NWD1: variants seen among roughly 807,000 people sequenced by gnomAD.
The protein encoded by NWD1 is NACHT domain- and WD repeat-containing protein 1.
NWD1 carries 129 observed loss-of-function variants against 135.1 expected under a neutral mutation model. The ratio of observed to expected loss-of-function variants is 0.96; its 90% confidence interval spans 0.83 to 1.11. The LOEUF (loss-of-function observed/expected upper bound fraction) is 1.11. Among genes scored for constraint, NWD1 ranks in the 50% least tolerant of loss-of-function variants. The pLI, the probability that NWD1 is intolerant of heterozygous loss-of-function variation, is 0.00. For missense variants in NWD1, 1,740 were observed against 1,851.3 expected, an observed-to-expected ratio of 0.94 and a Z score of 1.10; for synonymous variants, 773 against 786.0, an observed-to-expected ratio of 0.98 and a Z score of 0.28.
rs115103736 is a variant in NWD1, at chr19:16,779,468, G to A, written c.2731+3G>A. 113 of 1,612,498 alleles carry A rather than the reference G, an allele frequency of 7.0e-5. No homozygotes were observed. The African/African-American group carries it at 1.3e-3, about 19-fold the overall frequency. On this transcript the variant is annotated splice_donor_region_variant and intron_variant, in intron 12 of 18. Transcript: ENST00000524140. ...CCACATGCTAACTGGACACACAGGT[G>A]AGACTTGGGAAGTGGGCTTTGTGGT...
At chr19:16,736,891 T>G (rs1412934383) in intron 4 of NWD1, 141 bp downstream of exon 4, 1 of 635,154 alleles carries the variant, frequency 1.6e-6, no homozygotes, top group African/African-American at 1.8e-5. Context: ...GTGGCAGACA[T>G]TACTAATCAA....
Position 16,783,901 on chromosome 19 carries a change from C to G in NWD1, c.2731+4436C>G, listed in dbSNP as rs1969948964. 2.0e-5 allele frequency among the ~76,000 whole-genome samples: 3 copies of G among 151,936 alleles called. No homozygotes were observed. The South Asian group carries it at 6.2e-4, about 31-fold the overall frequency. On this transcript the variant is annotated intron_variant, in intron 12 of 18. Coordinates refer to ENST00000524140, the MANE Select transcript of NWD1 (RefSeq NM_001007525.5). ...ATGCCATATTAGGTATTGTAAGTAA[C>G]CTAGAGATGATTTAAAATATACAGG...
At chr19:16,793,079 AAAG>A (rs1435192349) in intron 14 of NWD1, among the ~76,000 whole-genome samples, 20 of 151,866 alleles carry the variant, frequency 1.3e-4, no homozygotes, top group Admixed American at 2.0e-4. Context: ...AAAGAAAAGA[AAAG>A]AAGAAGAAGA....
chr19:16,780,792 G>A (rs1164876776), intron 12 of NWD1, among the ~76,000 whole-genome samples: 1 of 151,942 alleles, frequency 6.6e-6, no homozygotes, highest in African/African-American at 2.4e-5. Flanking sequence ...TGAGTAGCTG[G>A]GACTGCAGGC....
chr19:16,745,109 C>T (rs1433022323), intron 5 of NWD1: 1 of 463,860 alleles, frequency 2.2e-6, no homozygotes, highest in East Asian at 6.7e-5. Context: ...TGGCTGAAGG[C>T]AAAGGAGAAG....
intron 17 of NWD1, among the ~76,000 whole-genome samples, chr19:16,807,255 A>C (rs1428104484): frequency 6.6e-5 from 10 of 151,600 alleles, no homozygotes; most frequent in Admixed American, 6.6e-4. Context: ...GCACTTTGGG[A>C]GGCCAAGGTG....
rs1468118610 is a variant in NWD1 at position 16,807,842 on chromosome 19, C to T, written c.3993C>T (p.Asp1331=). ...TGGTGCTGGACATCACCTCCGGGGACCCCTGCCCGGTCATCGATGGGCCAA... is the reference window on the plus strand; with the variant it reads ...TGGTGCTGGACATCACCTCCGGGGATCCCTGCCCGGTCATCGATGGGCCAA... ...IVLVLDITSG[D]PCPVIDGPRY... is the part of the protein sequence containing the mutation. The change falls in exon 18 of 19, where the codon GAC becomes GAT. Residue 1331 remains aspartate (D), a synonymous_variant. Transcript: ENST00000524140. 4 of 1,614,062 alleles carry T rather than the reference C, an allele frequency of 2.5e-6. No individual in the cohort carries two copies. The highest frequency in any genetic ancestry group is 4.5e-5 in the East Asian group (2 of 44,892).
chr19:16,752,796 A>G (rs1466579513), intron 6 of NWD1, among the ~76,000 whole-genome samples: 1 of 152,108 alleles, frequency 6.6e-6, no homozygotes, highest in Non-Finnish European at 1.5e-5. Flanking sequence ...CAGGAGTTCA[A>G]GACCAGCCTG....
In NWD1 at chr19:16,749,135, G is replaced by A. The variant is rs1157239170; in HGVS notation, c.497-4G>A. The A allele has an allele frequency of 3.2e-6, 5 of 1,581,922 alleles. No individual in the cohort carries two copies. The highest frequency in any genetic ancestry group is 1.8e-5 in the Admixed American group (1 of 55,966). ...CTTCCTTCCCACCTTCCCCACTTTG[G>A]CAGTCATTGAGTGGGAGATAGAGCG... On this transcript the variant is annotated splice_region_variant and splice_polypyrimidine_tract_variant and intron_variant, in intron 5 of 18. Coordinates refer to ENST00000524140, the MANE Select transcript of NWD1 (RefSeq NM_001007525.5).
chr19:16,752,560 G>A (rs1968621987), intron 6 of NWD1, among the ~76,000 whole-genome samples: 2 of 150,204 alleles, frequency 1.3e-5, no homozygotes, highest in South Asian at 4.2e-4. Flanking sequence ...AGGATCACTT[G>A]AGCACAGGAG....
intron 5 of NWD1, among the ~76,000 whole-genome samples, chr19:16,747,363 T>TTATA (rs1455241967): frequency 1.3e-5 from 2 of 148,970 alleles, no homozygotes; most frequent in East Asian, 3.9e-4. Context: ...ATTTATTTAT[T>TTATA]TATTTATTTA....
intron 17 of NWD1, among the ~76,000 whole-genome samples, chr19:16,804,184 C>T (rs1163473850): frequency 1.3e-5 from 2 of 152,114 alleles, no homozygotes; most frequent in Non-Finnish European, 2.9e-5. Context: ...GCTAAAGTCC[C>T]TCTCAGCATC....
chr19:16,763,972 AC>A, intron 9 of NWD1, 27 bp downstream of exon 9: 2 of 1,400,244 alleles, frequency 1.4e-6, no homozygotes, highest in Non-Finnish European at 2.0e-6. Flanking sequence ...ATCTCAGAGG[AC>A]CGAGCCTGGT....
intron 11 of NWD1, among the ~76,000 whole-genome samples, chr19:16,778,218 T>C (rs1969724137): frequency 6.6e-6 from 1 of 152,072 alleles, no homozygotes; most frequent in Non-Finnish European, 1.5e-5. Flanking sequence ...CTCCAGGACA[T>C]TCAGAAAGTT....
intron 1 of NWD1, among the ~76,000 whole-genome samples, chr19:16,723,995 C>T (rs1471984684): frequency 6.6e-6 from 1 of 152,172 alleles, no homozygotes; most frequent in Non-Finnish European, 1.5e-5. Context: ...CTCGCCTGGG[C>T]TATGACACCA....
chr19:16,742,655 C>G (rs1968132001), intron 4 of NWD1, among the ~76,000 whole-genome samples: 1 of 151,900 alleles, frequency 6.6e-6, no homozygotes, highest in South Asian at 2.1e-4. Flanking sequence ...TAATTTAAAT[C>G]TTAATTATCG....
chr19:16,732,560 C>T (rs964053688), intron 3 of NWD1, among the ~76,000 whole-genome samples: 2 of 146,912 alleles, frequency 1.4e-5, no homozygotes, highest in African/African-American at 2.5e-5. Context: ...CAGTAGGAGC[C>T]CCTAATGCTG....
At chr19:16,742,173 G>A (rs755869213) in intron 4 of NWD1, among the ~76,000 whole-genome samples, 3 of 151,924 alleles carry the variant, frequency 2.0e-5, no homozygotes, top group African/African-American at 4.8e-5. Flanking sequence ...TCAAGAATTC[G>A]AGACCAGCCT....
chr19:16,809,747 T>C (rs893963067), intron 18 of NWD1, among the ~76,000 whole-genome samples: 4 of 151,666 alleles, frequency 2.6e-5, no homozygotes, highest in Non-Finnish European at 4.4e-5. Context: ...TTGGTAGAGA[T>C]GGGGTTTCAC....
Sources: allele counts gnomAD v4.1 joint callset (sites outside exome capture counted in the v4.1 genomes callset), GRCh38; gene constraint gnomAD v4.1.1; transcripts MANE v1.5; gene names NCBI Gene and HGNC (gene_info 2026-07-23, HGNC 2026-07-21).